Variants in OSBPL3 observed in about 807,000 individuals in gnomAD.
OSBPL3 encodes oxysterol binding protein like 3, also known as oxysterol-binding protein-related protein 3.
In OSBPL3, 65 loss-of-function variants were observed where a neutral mutation model predicts 120.1. The observed-to-expected ratio is 0.54, with a 90% CI of 0.44 to 0.67. OSBPL3 has a LOEUF of 0.67. Ranked by LOEUF, OSBPL3 falls within the 30% of genes least tolerant of loss-of-function variation. OSBPL3 has a pLI of 0.00. For missense variants in OSBPL3, 1,004 were observed against 1,082.1 expected (o/e 0.93, Z 1.01); for synonymous variants, 416 against 402.6 (o/e 1.03, Z -0.40).
intron 1 of OSBPL3, among the ~76,000 whole-genome samples, chr7:24,970,386 G>C (rs140970211): frequency 6.6e-6 from 1 of 152,152 alleles, no homozygotes; most frequent in Non-Finnish European, 1.5e-5. Flanking sequence ...GATTATAGGC[G>C]TGAGCCATCG....
rs1320157182 is a variant in OSBPL3 at position 24,959,673 on chromosome 7, C to T, written c.-150+20213G>A. Among the ~76,000 whole-genome samples the T allele has an allele frequency of 2.0e-5, 3 of 152,138 alleles. No individual in the cohort carries two copies. The highest frequency in any genetic ancestry group is 4.4e-5 in the Non-Finnish European group (3 of 68,000). On this transcript the variant is annotated intron_variant, in intron 1 of 22. Transcript: ENST00000313367. The surrounding 1 kb of genome is among the most constrained non-coding windows in gnomAD (Gnocchi z 4.3). Reference sequence around the variant, plus strand: ...GATGCTTTGTATACTTTTCTGCAGGCATATTATACTTTAACAAAAATGTTC... The same window carrying T: ...GATGCTTTGTATACTTTTCTGCAGGTATATTATACTTTAACAAAAATGTTC...
chr7:24,823,396 T>C (rs1307153526), intron 16 of OSBPL3, among the ~76,000 whole-genome samples: 2 of 152,156 alleles, frequency 1.3e-5, no homozygotes, highest in East Asian at 3.8e-4. Context: ...GTATTTTCAC[T>C]TAGTTCTTAG....
chr7:24,837,285 C>T (rs1036952906), intron 14 of OSBPL3, among the ~76,000 whole-genome samples: 3 of 152,152 alleles, frequency 2.0e-5, no homozygotes, highest in African/African-American at 4.8e-5. Context: ...CTCACTGTAA[C>T]CTCGAACTCC....
At position 24,966,994 on chromosome 7, in the gene OSBPL3, A is replaced by G. The variant is rs1816462451; in HGVS notation, c.-150+12892T>C. 1.3e-5 allele frequency among the ~76,000 whole-genome samples: 2 copies of G among 152,354 alleles called. No homozygotes were observed. Among genetic ancestry groups the G allele is most frequent in the African/African-American group, 4.8e-5 (2 of 41,582 alleles). ...GTGACTAATACATAAGATAAGCAAT[A>G]CACTGCCACACAGGCAAATTCAGCT... On this transcript the variant is annotated intron_variant, in intron 1 of 22. Coordinates refer to ENST00000313367, the MANE Select transcript of OSBPL3 (RefSeq NM_015550.4). The surrounding 1 kb of genome is among the most constrained non-coding windows in gnomAD (Gnocchi z 4.8).
At chr7:24,942,762 G>A (rs551800414) in intron 1 of OSBPL3, among the ~76,000 whole-genome samples, 10 of 152,150 alleles carry the variant, frequency 6.6e-5, no homozygotes, top group Non-Finnish European at 1.3e-4. Context: ...GCACCTCACA[G>A]TCAAAAACAC....
At chr7:24,910,288 T>G (rs1308234735) in intron 1 of OSBPL3, among the ~76,000 whole-genome samples, 1 of 152,188 alleles carries the variant, frequency 6.6e-6, no homozygotes, top group East Asian at 1.9e-4. Context: ...CAGATCAGGA[T>G]GAATCAATGT....
At chr7:24,864,318 T>G (rs1215686709) in intron 7 of OSBPL3, among the ~76,000 whole-genome samples, 2 of 152,224 alleles carry the variant, frequency 1.3e-5, no homozygotes, top group African/African-American at 2.4e-5. Flanking sequence ...CACTTTGATA[T>G]CATCAGAACC....
intron 19 of OSBPL3, among the ~76,000 whole-genome samples, chr7:24,814,741 T>C (rs1794261580): frequency 6.6e-6 from 1 of 152,228 alleles, no homozygotes; most frequent in Admixed American, 6.5e-5. Context: ...TCATGTAATA[T>C]TCGTCCTTTT....
chr7:24,956,831 A>C (rs1446641219), intron 1 of OSBPL3, among the ~76,000 whole-genome samples: 1 of 152,122 alleles, frequency 6.6e-6, no homozygotes, highest in African/African-American at 2.4e-5. Flanking sequence ...TTCAACCATT[A>C]TTAATTTCTT....
chr7:24,830,956 A>G lies in OSBPL3; in HGVS notation c.1747-51T>C, dbSNP rs374243807. 3 of 1,519,912 alleles carry G rather than the reference A, an allele frequency of 2.0e-6. No individual in the cohort carries two copies. Among genetic ancestry groups the G allele is most frequent in the Non-Finnish European group, 2.6e-6 (3 of 1,134,660 alleles). 94.2% of individuals were successfully genotyped at this position (1,519,912 alleles called of 1,614,324 possible). On this transcript the variant is annotated intron_variant, in intron 15 of 22. Coordinates refer to ENST00000313367, the MANE Select transcript of OSBPL3 (RefSeq NM_015550.4). This position sits in a 1 kb window ranked among gnomAD's most constrained non-coding sequence, Gnocchi z 4.4. ...TCATTTCCGTGTCACCAAGAGCTTT[A>G]TTGTTCACAAAGAACTAAACAAAAT...
Position 24,959,738 on chromosome 7 carries a change from T to C in OSBPL3, c.-150+20148A>G, listed in dbSNP as rs1267647155. Among the ~76,000 whole-genome samples, 1 of 152,216 alleles carries C rather than the reference T, an allele frequency of 6.6e-6. No homozygotes were observed. Among genetic ancestry groups the C allele is most frequent in the Non-Finnish European group, 1.5e-5 (1 of 68,026 alleles). On this transcript the variant is annotated intron_variant, in intron 1 of 22. Coordinates refer to ENST00000313367, the MANE Select transcript of OSBPL3 (RefSeq NM_015550.4). This position sits in a 1 kb window ranked among gnomAD's most constrained non-coding sequence, Gnocchi z 4.3. ...TAGGTGAAACTTCCAAAAGAAAATA[T>C]ATTCCTTTTAAAATGCCATTCAGGA...
Position 24,953,892 on chromosome 7 carries a change from G to GA in OSBPL3, c.-150+25993dup, listed in dbSNP as rs1403861287. 1.3e-5 allele frequency among the ~76,000 whole-genome samples: 2 copies of GA among 152,152 alleles called. No individual in the cohort carries two copies. Among genetic ancestry groups the GA allele is most frequent in the Non-Finnish European group, 2.9e-5 (2 of 68,032 alleles). On this transcript the variant is annotated intron_variant, in intron 1 of 22. Coordinates refer to ENST00000313367, the MANE Select transcript of OSBPL3 (RefSeq NM_015550.4). This position sits in a 1 kb window ranked among gnomAD's most constrained non-coding sequence, Gnocchi z 4.3. ...AATGTGAGACAAAACAGCTCATGAA[G>GA]AAAATAATCCTTATGGTAATCATCA...
At chr7:24,980,422 G>C (rs1190415970), upstream of OSBPL3, among the ~76,000 whole-genome samples, 1 of 152,118 alleles carries the variant, frequency 6.6e-6, no homozygotes, top group Non-Finnish European at 1.5e-5. Context: ...TTGGGAGGGC[G>C]GAGGGAGGCG....
upstream of OSBPL3, chr7:24,980,197 A>G (rs940492888): frequency 9.0e-6 from 3 of 332,796 alleles, no homozygotes; most frequent in African/African-American, 6.7e-5. Flanking sequence ...CCGCCCGGCG[A>G]TTAGCCCGAG....
rs1426430821 is a variant in OSBPL3, at chr7:24,937,981, G to A, written c.-150+41905C>T. Among the ~76,000 whole-genome samples, 1 of 152,172 alleles carries A rather than the reference G, an allele frequency of 6.6e-6. No individual in the cohort carries two copies. Among genetic ancestry groups the A allele is most frequent in the Non-Finnish European group, 1.5e-5 (1 of 68,018 alleles). On this transcript the variant is annotated intron_variant, in intron 1 of 22. Coordinates refer to ENST00000313367, the MANE Select transcript of OSBPL3 (RefSeq NM_015550.4). The surrounding 1 kb of genome is among the most constrained non-coding windows in gnomAD (Gnocchi z 4.0). ...GAAAACTATGGAGTGTTCTGCTTGG[G>A]TAACAAAAGTAGAAATATCTGTTAG...
intron 11 of OSBPL3, among the ~76,000 whole-genome samples, chr7:24,850,493 G>A (rs1369440981): frequency 1.3e-5 from 2 of 152,242 alleles, no homozygotes; most frequent in Non-Finnish European, 1.5e-5. Context: ...GGACCGACCT[G>A]CTGAAAGCAT....
intron 1 of OSBPL3, among the ~76,000 whole-genome samples, chr7:24,910,229 A>T (rs1166776439): frequency 6.6e-6 from 1 of 152,194 alleles, no homozygotes; most frequent in Non-Finnish European, 1.5e-5. Flanking sequence ...CCAGCAAGCC[A>T]GCCCCTTTCA....
At chr7:24,853,455 A>G (rs1040362393) in intron 10 of OSBPL3, among the ~76,000 whole-genome samples, 6 of 152,238 alleles carry the variant, frequency 3.9e-5, no homozygotes, top group African/African-American at 1.4e-4. Flanking sequence ...AAAAGTGTCA[A>G]TTTGACGAAA....
chr7:24,868,796 A>C (rs982217285), intron 5 of OSBPL3, among the ~76,000 whole-genome samples: 1 of 152,192 alleles, frequency 6.6e-6, no homozygotes, highest in Admixed American at 6.5e-5. Context: ...TTTTACAGGA[A>C]TCTTGTGTTA....
Sources: allele counts gnomAD v4.1 joint callset (sites outside exome capture counted in the v4.1 genomes callset), GRCh38; gene constraint gnomAD v4.1.1; non-coding constraint Gnocchi (gnomAD v3.1); transcripts MANE v1.5; gene names NCBI Gene and HGNC (gene_info 2026-07-23, HGNC 2026-07-21).